WDPCP: variants seen among roughly 807,000 people sequenced by gnomAD.
WDPCP encodes WD repeat-containing and planar cell polarity effector protein fritz homolog.
A neutral mutation model predicts 93.1 loss-of-function variants in WDPCP; 71 were observed. The ratio of observed to expected loss-of-function variants is 0.76; its 90% confidence interval spans 0.63 to 0.93. The LOEUF is 0.93. Ranked by LOEUF, WDPCP falls within the 40% of genes least tolerant of loss-of-function variation. WDPCP has a pLI of 0.00. For missense variants in WDPCP, 844 were observed against 887.4 expected, an observed-to-expected ratio of 0.95 and a Z score of 0.62; for synonymous variants, 315 against 315.0, an observed-to-expected ratio of 1.00 and a Z score of 0.00.
At chr2:63,815,471 A>G (rs184513092) in intron 1 of WDPCP, among the ~76,000 whole-genome samples, 77 of 152,338 alleles carry the variant, frequency 5.1e-4, no homozygotes, top group Non-Finnish European at 9.1e-4. Context: ...AACAGGTACT[A>G]TTTAGTCAGG....
intron 10 of WDPCP, among the ~76,000 whole-genome samples, chr2:63,394,907 G>A (rs1442468536): frequency 6.6e-6 from 1 of 152,066 alleles, no homozygotes; most frequent in African/African-American, 2.4e-5. Context: ...GTGGGAGGAT[G>A]GTAAGGATCG....
intron 3 of WDPCP, among the ~76,000 whole-genome samples, chr2:63,648,430 T>A (rs1246518062): frequency 6.6e-6 from 1 of 152,214 alleles, no homozygotes; most frequent in African/African-American, 2.4e-5. Flanking sequence ...CCTTTTAAAG[T>A]GTATGTCATT....
chr2:63,705,775 T>A (rs1669142450), intron 2 of WDPCP, among the ~76,000 whole-genome samples: 1 of 147,994 alleles, frequency 6.8e-6, no homozygotes, highest in South Asian at 2.1e-4. Flanking sequence ...TGTATTCTGT[T>A]GATCTGGGGT....
At chr2:63,771,765 T>A (rs1010125962) in intron 2 of WDPCP, among the ~76,000 whole-genome samples, 2 of 152,032 alleles carry the variant, frequency 1.3e-5, no homozygotes, top group Non-Finnish European at 2.9e-5. Context: ...GTGTACCCAA[T>A]GTTTAGCTCC....
At chr2:63,436,031 T>C (rs1272254696) in intron 8 of WDPCP, among the ~76,000 whole-genome samples, 1 of 152,092 alleles carries the variant, frequency 6.6e-6, no homozygotes, top group Non-Finnish European at 1.5e-5. Context: ...ACTCTTCAGT[T>C]GAGAAGATTT....
At chr2:63,573,096 T>C (rs1707653494) in intron 1 of WDPCP, among the ~76,000 whole-genome samples, 1 of 151,990 alleles carries the variant, frequency 6.6e-6, no homozygotes, top group African/African-American at 2.4e-5. Flanking sequence ...AAAAATAATT[T>C]TTTAATTGGC....
chr2:63,432,426 G>A (rs570100352), intron 9 of WDPCP, among the ~76,000 whole-genome samples: 1 of 152,170 alleles, frequency 6.6e-6, no homozygotes, highest in African/African-American at 2.4e-5. Flanking sequence ...CAGACACTAA[G>A]ATCCTTGAAG....
rs192766373 is a variant in WDPCP, at chr2:63,354,832, A to G, written c.1748+23554T>C. ...ACAAATATTAACAGCAGAATAAAAC[A>G]AGCTTAGGAAAGAATCTCAGAACTT... On this transcript the variant is annotated intron_variant, in intron 12 of 17. Transcript: ENST00000272321. Among the ~76,000 whole-genome samples the G allele has an allele frequency of 3.8e-4, 58 of 152,326 alleles. No homozygotes were observed. In the East Asian group the frequency reaches 8.9e-3, roughly 23 times the overall value.
At chr2:63,424,545 T>C (rs537304294) in intron 9 of WDPCP, among the ~76,000 whole-genome samples, 11 of 152,236 alleles carry the variant, frequency 7.2e-5, no homozygotes, top group African/African-American at 2.6e-4. Context: ...TTGGAGCACT[T>C]TGACTGCCCC....
At chr2:63,338,563 AAAAAAAATATATATATAT>A (rs70965121) in intron 12 of WDPCP, among the ~76,000 whole-genome samples, 3,263 of 86,442 alleles carry the variant, frequency 0.038, 283 homozygotes, top group Non-Finnish European at 0.048. Flanking sequence ...AAAAAAAAAA[AAAAAAAATATATATATAT>A]ATATATATAT....
chr2:63,239,473 A>G lies in WDPCP; in HGVS notation c.1915+19834T>C, dbSNP rs1350718746. Among the ~76,000 whole-genome samples, 3 of 152,212 alleles carry G rather than the reference A, an allele frequency of 2.0e-5. No homozygotes were observed. The East Asian group carries it at 5.8e-4, about 29-fold the overall frequency. ...TGAAGACATTTAATTTTGATAAAAC[A>G]AGATACATGATTGTAACTTAGAAAC... On this transcript the variant is annotated intron_variant, in intron 14 of 17. Coordinates refer to ENST00000272321, the MANE Select transcript of WDPCP (RefSeq NM_015910.7).
intron 2 of WDPCP, among the ~76,000 whole-genome samples, chr2:63,492,299 TC>T (rs202100263): frequency 1.9e-4 from 28 of 150,788 alleles, no homozygotes; most frequent in South Asian, 2.1e-4. Context: ...CATATTATTC[TC>T]CCCCCCCAAA....
chr2:63,798,548 C>T (rs1295895325), intron 2 of WDPCP, among the ~76,000 whole-genome samples: 2 of 151,640 alleles, frequency 1.3e-5, no homozygotes, highest in Non-Finnish European at 2.9e-5. Context: ...TCATGGTAAC[C>T]TCAAGCCAAA....
intron 10 of WDPCP, among the ~76,000 whole-genome samples, chr2:63,391,462 T>G (rs1285501793): frequency 6.6e-6 from 1 of 152,100 alleles, no homozygotes; most frequent in South Asian, 2.1e-4. Flanking sequence ...ACGGGAAGCA[T>G]TCCCTTTGAA....
the WDPCP span, among the ~76,000 whole-genome samples, chr2:63,835,031 A>AT: frequency 1.9e-4 from 28 of 150,050 alleles, no homozygotes; most frequent in East Asian, 9.7e-4. Flanking sequence ...TACTATCTGG[A>AT]TTTTTTTTTT....
chr2:63,247,583 C>A (rs1347601958), intron 14 of WDPCP, among the ~76,000 whole-genome samples: 1 of 151,608 alleles, frequency 6.6e-6, no homozygotes, highest in Admixed American at 6.6e-5. Flanking sequence ...TATAAAATTG[C>A]CTTCAGGCTA....
intron 6 of WDPCP, among the ~76,000 whole-genome samples, chr2:63,479,709 T>C (rs1356238567): frequency 6.6e-6 from 1 of 152,152 alleles, no homozygotes; most frequent in African/African-American, 2.4e-5. Context: ...AACATAATAC[T>C]GAATGGGGAA....
chr2:63,440,714 C>T (rs1697451750), intron 6 of WDPCP: 1 of 152,524 alleles, frequency 6.6e-6, no homozygotes, highest in Admixed American at 6.6e-5. Flanking sequence ...GTTTCACCTT[C>T]AAGGCAACAG....
chr2:63,273,827 G>T (rs80242431), intron 13 of WDPCP, among the ~76,000 whole-genome samples: 1 of 54,730 alleles, frequency 1.8e-5, no homozygotes, highest in Admixed American at 1.8e-4. Flanking sequence ...ACACACACAC[G>T]CACACACACA....
Sources: gnomAD v4.1 joint callset for allele counts (sites outside exome capture counted in the v4.1 genomes callset) on GRCh38, gnomAD v4.1.1 for gene constraint, MANE v1.5 for transcripts, NCBI Gene and HGNC (gene_info 2026-07-23, HGNC 2026-07-21) for gene names.